ANKRD12: variants seen among roughly 807,000 people sequenced by gnomAD.
ANKRD12 encodes the protein ankyrin repeat domain 12.
Under a neutral mutation model 183.4 loss-of-function variants are expected in ANKRD12, and 85 were observed. The observed-to-expected ratio is 0.46, with a 90% CI of 0.39 to 0.56. ANKRD12 has a LOEUF of 0.56. Among genes scored for constraint, ANKRD12 ranks in the 20% least tolerant of loss-of-function variants. ANKRD12 has a pLI of 0.00. For synonymous variants in ANKRD12, 914 were observed against 800.2 expected, an observed-to-expected ratio of 1.14 and a Z score of -2.40; for missense variants, 2,405 against 2,357.1, an observed-to-expected ratio of 1.02 and a Z score of -0.42.
chr18:9,168,013 C>A (rs904472701), intron 1 of ANKRD12, among the ~76,000 whole-genome samples: 3 of 152,034 alleles, frequency 2.0e-5, no homozygotes, highest in Admixed American at 6.6e-5. Context: ...TATATGCTGG[C>A]TTACATTTAT....
chr18:9,192,282 A>G (rs1173371208), intron 2 of ANKRD12, among the ~76,000 whole-genome samples: 2 of 152,162 alleles, frequency 1.3e-5, no homozygotes, highest in Non-Finnish European at 2.9e-5. Context: ...ATGAATGTAG[A>G]TGTTATTCTT....
rs1046491 is a variant in ANKRD12 at position 9,282,144 on chromosome 18, T to C, written c.*1018T>C. ...ATTTTAATATTCACCTATGAAAGAA[T>C]CTGTGAATATATGTAAATACGTTTA... On this transcript the variant is annotated 3_prime_UTR_variant, in exon 13 of 13. Coordinates refer to ENST00000262126, the MANE Select transcript of ANKRD12 (RefSeq NM_015208.5). 0.11 allele frequency: 16,930 copies of C among 152,646 alleles called. 1,105 individuals are homozygous for C. Among genetic ancestry groups the C allele is most frequent in the African/African-American group, 0.16 (6,705 of 41,536 alleles). 9.5% of individuals were successfully genotyped at this position (152,646 alleles called of 1,614,324 possible).
At chr18:9,228,035 T>C (rs1335634396) in intron 8 of ANKRD12, among the ~76,000 whole-genome samples, 1 of 152,150 alleles carries the variant, frequency 6.6e-6, no homozygotes, top group Non-Finnish European at 1.5e-5. Flanking sequence ...CTTCCACATA[T>C]GAGTGAGAGA....
intron 1 of ANKRD12, among the ~76,000 whole-genome samples, chr18:9,158,111 A>G (rs2030873974): frequency 6.6e-6 from 1 of 152,116 alleles, no homozygotes; most frequent in Non-Finnish European, 1.5e-5. Context: ...TACCTGAGAA[A>G]CTTTTTAAAA....
intron 1 of ANKRD12, among the ~76,000 whole-genome samples, chr18:9,178,392 G>A (rs950408642): frequency 2.0e-5 from 3 of 151,920 alleles, no homozygotes; most frequent in Non-Finnish European, 4.4e-5. Flanking sequence ...TTATTGAAAG[G>A]AATATATCCT....
In ANKRD12 at chr18:9,187,730, G is replaced by T. The variant is rs147523467; in HGVS notation, c.87+5211G>T. Among the ~76,000 whole-genome samples, 711 of 152,212 alleles carry T rather than the reference G, an allele frequency of 4.7e-3. 8 individuals are homozygous for T. The highest frequency in any genetic ancestry group is 0.016 in the African/African-American group (681 of 41,524). ...TAGAAATGTCTCCACTACTCTTTTAGCTATAAATCAGTATTTAAAATTTGC... is the reference window on the plus strand; with the variant it reads ...TAGAAATGTCTCCACTACTCTTTTATCTATAAATCAGTATTTAAAATTTGC... On this transcript the variant is annotated intron_variant, in intron 2 of 12. Coordinates refer to ENST00000262126, the MANE Select transcript of ANKRD12 (RefSeq NM_015208.5).
intron 8 of ANKRD12, chr18:9,239,414 C>G (rs2037530696): frequency 5.4e-6 from 4 of 739,846 alleles, no homozygotes; most frequent in Non-Finnish European, 7.8e-6. Flanking sequence ...CTTCTAGAAC[C>G]TTTTTGATTT....
At chr18:9,274,759 C>A (rs1319586467) in intron 10 of ANKRD12, among the ~76,000 whole-genome samples, 1 of 152,146 alleles carries the variant, frequency 6.6e-6, no homozygotes, top group African/African-American at 2.4e-5. Flanking sequence ...TGGGAGTTCT[C>A]AAATTTCTCA....
intron 1 of ANKRD12, among the ~76,000 whole-genome samples, chr18:9,162,661 C>T (rs2031579777): frequency 6.6e-6 from 1 of 152,192 alleles, no homozygotes; most frequent in South Asian, 2.1e-4. Context: ...ATTCCTAACA[C>T]TCCCACTAAC....
Position 9,281,030 on chromosome 18 carries a change from T to C in ANKRD12, c.6093T>C (p.Asp2031=). The change falls in exon 13 of 13, where the codon GAT becomes GAC. Residue 2031 remains aspartate, a synonymous_variant. Transcript: ENST00000262126. ...LEWQLKLQEL[D]PATYKSISIY... ...GGCAGCTCAAACTCCAGGAACTTGA[T>C]CCTGCCACCTATAAATCTATCAGCA... 1 of 1,614,170 alleles carries C rather than the reference T, an allele frequency of 6.2e-7. No individual in the cohort carries two copies. The highest frequency in any genetic ancestry group is 8.5e-7 in the Non-Finnish European group (1 of 1,180,012).
chr18:9,230,655 CTTTT>C, intron 8 of ANKRD12, among the ~76,000 whole-genome samples: 1 of 145,766 alleles, frequency 6.9e-6, no homozygotes, highest in African/African-American at 2.5e-5. Context: ...CTACTTTCTT[CTTTT>C]TTTTTTTTTT....
Position 9,283,219 on chromosome 18 carries a change from A to G in ANKRD12, c.*2093A>G, listed in dbSNP as rs570928909. 6.6e-5 allele frequency: 10 copies of G among 152,286 alleles called. No individual in the cohort carries two copies. Among genetic ancestry groups the G allele is most frequent in the African/African-American group, 9.6e-5 (4 of 41,566 alleles). The allele number at this position is 152,286 out of a possible 1,614,324, so 9.4% of individuals were successfully genotyped here. On this transcript the variant is annotated 3_prime_UTR_variant, in exon 13 of 13. Coordinates refer to ENST00000262126, the MANE Select transcript of ANKRD12 (RefSeq NM_015208.5). ...TAGGGCATTTTGTTCTGATGGTTCAACCAGAGGTCTGGGAAATAGCACTGT... is the reference window on the plus strand; with the variant it reads ...TAGGGCATTTTGTTCTGATGGTTCAGCCAGAGGTCTGGGAAATAGCACTGT...
chr18:9,206,539 C>G (rs937348936), intron 4 of ANKRD12, among the ~76,000 whole-genome samples: 1 of 152,078 alleles, frequency 6.6e-6, no homozygotes, highest in African/African-American at 2.4e-5. Context: ...GTAGTTGTCT[C>G]TATCCTAGCT....
At chr18:9,272,205 A>G (rs1204226995) in intron 10 of ANKRD12, among the ~76,000 whole-genome samples, 1 of 152,236 alleles carries the variant, frequency 6.6e-6, no homozygotes, top group Non-Finnish European at 1.5e-5. Context: ...ATTGTCAGGT[A>G]AGCAACATTT....
chr18:9,211,438 G>A (rs1252092081), intron 5 of ANKRD12, 146 bp from the exon 6 acceptor site: 5 of 667,988 alleles, frequency 7.5e-6, no homozygotes, highest in Non-Finnish European at 1.3e-5. Flanking sequence ...GGTCATTAAC[G>A]GATCATCCAA....
At position 9,255,932 on chromosome 18, in the gene ANKRD12, A is replaced by G. The variant is rs768960634; in HGVS notation, c.2665A>G (p.Lys889Glu). 2.5e-6 allele frequency: 4 copies of G among 1,588,124 alleles called. No individual in the cohort carries two copies. The highest frequency in any genetic ancestry group is 3.4e-6 in the Non-Finnish European group (4 of 1,173,174). Residue 889 changes from lysine (K) to glutamate (E), a missense_variant, in exon 9 of 13, where the codon AAA becomes GAA. Transcript: ENST00000262126. ...EKCHKEGEKS[K>E]NTAAIKKTDD... ...ATGCCATAAAGAAGGTGAGAAGAGCAAAAATACTGCTGCTATTAAAAAAAC... is the reference window on the plus strand; with the variant it reads ...ATGCCATAAAGAAGGTGAGAAGAGCGAAAATACTGCTGCTATTAAAAAAAC...
intron 10 of ANKRD12, among the ~76,000 whole-genome samples, chr18:9,268,523 CATG>C (rs1302950705): frequency 1.3e-5 from 2 of 152,172 alleles, no homozygotes; most frequent in African/African-American, 4.8e-5. Flanking sequence ...ACAAAAACCA[CATG>C]ATTATCTCAA....
Position 9,204,537 on chromosome 18 carries a change from A to G in ANKRD12, c.297A>G (p.Thr99=), listed in dbSNP as rs112568144. The part of the protein sequence containing the change: ...WGERLISSYR[T]YSEKEGPEKK... ...AGAGACTTATATCTTCTTACAGGAC[A>G]TACTCAGGTAATTAGATTATCAGGT... Residue 99 remains threonine, a synonymous_variant, in exon 4 of 13, where the codon ACA becomes ACG. Coordinates refer to ENST00000262126, the MANE Select transcript of ANKRD12 (RefSeq NM_015208.5). 8,594 of 1,585,052 alleles carry G rather than the reference A, an allele frequency of 5.4e-3. 51 individuals carry two copies. The highest frequency in any genetic ancestry group is 0.019 in the South Asian group (1,648 of 87,592).
At chr18:9,189,946 A>T (rs1002424619) in intron 2 of ANKRD12, among the ~76,000 whole-genome samples, 2 of 152,222 alleles carry the variant, frequency 1.3e-5, no homozygotes, top group African/African-American at 4.8e-5. Context: ...TTTTTAAACA[A>T]GTCTTATTAA....
Sources: allele counts gnomAD v4.1 joint callset (sites outside exome capture counted in the v4.1 genomes callset), GRCh38; gene constraint gnomAD v4.1.1; transcripts MANE v1.5; gene names NCBI Gene and HGNC (gene_info 2026-07-23, HGNC 2026-07-21).